Variants in ELP4 observed in about 807,000 individuals in gnomAD.
ELP4 encodes elongator acetyltransferase complex subunit 4.
ELP4 carries 51 observed loss-of-function variants against 48.9 expected under a neutral mutation model. The observed-to-expected ratio is 1.04, with a 90% CI of 0.83 to 1.32. The LOEUF is 1.32. Ranked by LOEUF, ELP4 falls within the 40% of genes most tolerant of loss-of-function variation. The pLI is 0.00. For missense variants in ELP4, 519 were observed against 514.6 expected, an observed-to-expected ratio of 1.01 and a Z score of -0.08; for synonymous variants, 210 against 189.2, an observed-to-expected ratio of 1.11 and a Z score of -0.90.
chr11:31,682,899 A>C (rs537975816), intron 9 of ELP4, among the ~76,000 whole-genome samples: 1 of 152,274 alleles, frequency 6.6e-6, no homozygotes, highest in Non-Finnish European at 1.5e-5. Context: ...TTATATTATT[A>C]CTTATTTTGA....
intron 3 of ELP4, among the ~76,000 whole-genome samples, chr11:31,543,088 A>G (rs954687006): frequency 4.6e-5 from 7 of 152,204 alleles, no homozygotes; most frequent in Non-Finnish European, 1.0e-4. Flanking sequence ...TTAAAATTAT[A>G]CAAGATGAAA....
intron 9 of ELP4, among the ~76,000 whole-genome samples, chr11:31,709,974 A>G (rs1429573806): frequency 1.3e-5 from 2 of 152,008 alleles, no homozygotes; most frequent in Non-Finnish European, 2.9e-5. Flanking sequence ...CCCTCAGCAA[A>G]CTGTTTGTTG....
chr11:31,674,164 A>G (rs1437739871), intron 9 of ELP4, among the ~76,000 whole-genome samples: 1 of 152,224 alleles, frequency 6.6e-6, no homozygotes, highest in Non-Finnish European at 1.5e-5. Flanking sequence ...ATTGTTTTCT[A>G]TTGGAAGTGA....
intron 5 of ELP4, among the ~76,000 whole-genome samples, chr11:31,612,435 T>G (rs1957999611): frequency 6.6e-6 from 1 of 152,174 alleles, no homozygotes; most frequent in Non-Finnish European, 1.5e-5. Flanking sequence ...GGTGCCAGTC[T>G]ATCAGATTGT....
At chr11:31,584,167 G>A (rs895082945) in intron 3 of ELP4, among the ~76,000 whole-genome samples, 1 of 151,894 alleles carries the variant, frequency 6.6e-6, no homozygotes, top group Non-Finnish European at 1.5e-5. Context: ...AATAGATTTT[G>A]CAAGCTAGAT....
At chr11:31,613,947 G>C (rs1958030847) in intron 5 of ELP4, among the ~76,000 whole-genome samples, 1 of 152,040 alleles carries the variant, frequency 6.6e-6, no homozygotes, top group Non-Finnish European at 1.5e-5. Context: ...CTGACCTCAA[G>C]TGACCTGTTT....
chr11:31,716,807 C>T (rs7104065), intron 9 of ELP4, among the ~76,000 whole-genome samples: 3 of 152,142 alleles, frequency 2.0e-5, no homozygotes, highest in Non-Finnish European at 2.9e-5. Context: ...GAAGACAAAA[C>T]TGATAGTGAA....
At chr11:31,564,847 G>C (rs1957081594) in intron 3 of ELP4, among the ~76,000 whole-genome samples, 1 of 152,128 alleles carries the variant, frequency 6.6e-6, no homozygotes, top group Non-Finnish European at 1.5e-5. Context: ...ATGTGTGCCT[G>C]TGTCTTTATA....
intron 9 of ELP4, chr11:31,719,975 A>G (rs1592251579): frequency 6.6e-6 from 1 of 152,404 alleles, no homozygotes; most frequent in African/African-American, 2.4e-5. Context: ...ACACCACTAC[A>G]TAATCACTGG....
intron 9 of ELP4, among the ~76,000 whole-genome samples, chr11:31,738,001 C>G (rs533181065): frequency 2.2e-4 from 33 of 152,134 alleles, no homozygotes; most frequent in African/African-American, 7.0e-4. Context: ...ATGTTCATAG[C>G]AACATTATCC....
chr11:31,566,035 A>G (rs546510987), intron 3 of ELP4, among the ~76,000 whole-genome samples: 2 of 151,664 alleles, frequency 1.3e-5, no homozygotes, highest in African/African-American at 4.8e-5. Flanking sequence ...TGTTTGTGTT[A>G]AGATTCATTT....
At chr11:31,573,958 A>C (rs1957227014) in intron 3 of ELP4, among the ~76,000 whole-genome samples, 1 of 152,194 alleles carries the variant, frequency 6.6e-6, no homozygotes, top group Non-Finnish European at 1.5e-5. Context: ...TATGGACCTG[A>C]GGAGGACACT....
In ELP4 at chr11:31,509,849, G is replaced by A. The variant is rs770376847; in HGVS notation, c.65G>A (p.Ser22Asn). Residue 22 changes from serine to asparagine, a missense_variant, in exon 1 of 10, where the codon AGC (serine) becomes AAC (asparagine). Physicochemically the swap from Ser to Asn is conservative, Grantham distance 46. Coordinates refer to ENST00000640961, the MANE Select transcript of ELP4 (RefSeq NM_019040.5). The part of the protein sequence containing the change: ...ASTGSAVATA[S>N]KSNVTSFQRR... The stretch of plus-strand genomic sequence containing the variant: ...ACTGGGTCTGCAGTGGCGACAGCCA[G>A]CAAGAGCAACGTCACCAGTTTCCAG... The A allele has an allele frequency of 1.5e-5, 24 of 1,614,110 alleles. No individual in the cohort carries two copies. Among genetic ancestry groups the A allele is most frequent in the East Asian group, 4.5e-5 (2 of 44,890 alleles).
chr11:31,604,817 A>G (rs552970015), intron 5 of ELP4, among the ~76,000 whole-genome samples: 126 of 152,042 alleles, frequency 8.3e-4, no homozygotes, highest in African/African-American at 2.8e-3. Context: ...GAGTTCTCCA[A>G]TCTATGGATA....
chr11:31,633,426 T>A (rs747465497), intron 7 of ELP4: 2 of 151,954 alleles, frequency 1.3e-5, no homozygotes, highest in Admixed American at 6.6e-5. Flanking sequence ...CTACAAAAAA[T>A]TAAATTAAAT....
In ELP4 at chr11:31,662,684, T is replaced by C. The variant is rs974541163; in HGVS notation, c.1143+12463T>C. On this transcript the variant is annotated intron_variant, in intron 9 of 9. Coordinates refer to ENST00000640961, the MANE Select transcript of ELP4 (RefSeq NM_019040.5). Reference sequence around the variant, plus strand: ...AGAATTGTCAATTTGGTGATAATGATTTATACTCTTAAAATTAAGCTTTAT... The same window carrying C: ...AGAATTGTCAATTTGGTGATAATGACTTATACTCTTAAAATTAAGCTTTAT... 58 of 396,918 alleles carry C rather than the reference T, an allele frequency of 1.5e-4. No individual in the cohort carries two copies. The Middle Eastern group carries it at 1.9e-3, about 13-fold the overall frequency. 24.6% of individuals were successfully genotyped at this position (396,918 alleles called of 1,614,324 possible). A position where few individuals can be genotyped will look rare whatever the true frequency, so the allele number is the denominator to read the frequency against.
chr11:31,604,007 T>A, intron 5 of ELP4, 100 bp downstream of exon 5: 1 of 835,240 alleles, frequency 1.2e-6, no homozygotes, highest in Non-Finnish European at 1.8e-6. Context: ...AGGGTAAATA[T>A]CATAATAATA....
intron 3 of ELP4, chr11:31,541,481 G>A (rs1229164934): frequency 6.6e-6 from 1 of 152,164 alleles, no homozygotes; most frequent in Non-Finnish European, 1.5e-5. Context: ...ATTGTTGTAA[G>A]TAAGCTACAC....
chr11:31,525,313 T>C (rs1229332596), intron 2 of ELP4, among the ~76,000 whole-genome samples: 1 of 152,204 alleles, frequency 6.6e-6, no homozygotes, highest in Non-Finnish European at 1.5e-5. Context: ...AGTGCAGTCC[T>C]TTAGTAGAAC....
Sources: gnomAD v4.1 joint callset for allele counts (sites outside exome capture counted in the v4.1 genomes callset) on GRCh38, gnomAD v4.1.1 for gene constraint, MANE v1.5 for transcripts, NCBI Gene and HGNC (gene_info 2026-07-23, HGNC 2026-07-21) for gene names.